Variants in BLTP3A observed in about 807,000 individuals in gnomAD.
BLTP3A encodes ICBP90 binding protein 1.
At chr6:34,814,542 G>T in the BLTP3A span, among the ~76,000 whole-genome samples, 4 of 152,186 alleles carry the variant, frequency 2.6e-5, no homozygotes, top group African/African-American at 9.7e-5. Flanking sequence ...TGCACCATCA[G>T]CAGTCCTTCG....
chr6:34,853,541 C>G, the BLTP3A span, among the ~76,000 whole-genome samples: 1 of 151,872 alleles, frequency 6.6e-6, no homozygotes, highest in Non-Finnish European at 1.5e-5. Flanking sequence ...TTTGCTCTAC[C>G]TCCTCCTCTA....
At chr6:34,862,765 T>G in the BLTP3A span, among the ~76,000 whole-genome samples, 1 of 146,158 alleles carries the variant, frequency 6.8e-6, no homozygotes, top group Non-Finnish European at 1.5e-5. Context: ...ACCCAGGAGG[T>G]GGAGGTTGCA....
chr6:34,829,051 A>G, the BLTP3A span, among the ~76,000 whole-genome samples: 2 of 132,826 alleles, frequency 1.5e-5, no homozygotes, highest in East Asian at 8.5e-4. Context: ...AAAAAAAAAA[A>G]AAGAAGAAAA....
At chr6:34,836,625 G>C in the BLTP3A span, among the ~76,000 whole-genome samples, 40 of 152,318 alleles carry the variant, frequency 2.6e-4, 1 homozygote, top group African/African-American at 8.7e-4. Context: ...AGAGTCTTCA[G>C]TGGTAGAGTT....
chr6:34,816,168 AC>A, the BLTP3A span, among the ~76,000 whole-genome samples: 1 of 152,164 alleles, frequency 6.6e-6, no homozygotes, highest in Non-Finnish European at 1.5e-5. Context: ...CTTAGCACTT[AC>A]TTAGTATAAT....
At chr6:34,821,788 G>A in the BLTP3A span, 1 of 1,614,104 alleles carries the variant, frequency 6.2e-7, no homozygotes, top group Non-Finnish European at 8.5e-7. Context: ...CCATCACTCG[G>A]GTCTACTGCA....
chr6:34,844,533 C>G, the BLTP3A span, among the ~76,000 whole-genome samples: 2 of 152,290 alleles, frequency 1.3e-5, no homozygotes, highest in Admixed American at 1.3e-4. Context: ...CCTCAGCTTC[C>G]TAAAGTGCTA....
At chr6:34,838,437 G>A in the BLTP3A span, among the ~76,000 whole-genome samples, 1 of 152,140 alleles carries the variant, frequency 6.6e-6, no homozygotes, top group Non-Finnish European at 1.5e-5. Flanking sequence ...TTTCAAGCTT[G>A]GCACATTAAG....
the BLTP3A span, among the ~76,000 whole-genome samples, chr6:34,807,963 C>A: frequency 6.6e-6 from 1 of 151,834 alleles, no homozygotes; most frequent in Non-Finnish European, 1.5e-5. Flanking sequence ...ATCGCTTGAA[C>A]CGGGAGGCAG....
At chr6:34,871,797 A>C in the BLTP3A span, 4 of 1,613,302 alleles carry the variant, frequency 2.5e-6, no homozygotes, top group Non-Finnish European at 2.5e-6. Flanking sequence ...TGTCACTTAG[A>C]ACCTTTACTT....
the BLTP3A span, chr6:34,874,125 TG>T: frequency 6.6e-6 from 1 of 152,238 alleles, no homozygotes; most frequent in African/African-American, 2.4e-5. Context: ...GCTTGATGCT[TG>T]GTTCAACCTT....
chr6:34,802,459 TC>T, the BLTP3A span, among the ~76,000 whole-genome samples: 1 of 150,642 alleles, frequency 6.6e-6, no homozygotes, highest in Non-Finnish European at 1.5e-5. Context: ...AACCTCTGCC[TC>T]CCGGGTTCAA....
the BLTP3A span, among the ~76,000 whole-genome samples, chr6:34,822,751 G>A: frequency 5.9e-5 from 9 of 151,870 alleles, no homozygotes; most frequent in African/African-American, 2.2e-4. Context: ...CAGCTACTCG[G>A]GAGGCTGGGG....
chr6:34,818,907 A>T, the BLTP3A span, among the ~76,000 whole-genome samples: 1 of 152,230 alleles, frequency 6.6e-6, no homozygotes, highest in Non-Finnish European at 1.5e-5. Context: ...TTTATGGTCC[A>T]AGGAAAAGCA....
the BLTP3A span, among the ~76,000 whole-genome samples, chr6:34,848,605 C>CAAA: frequency 4.0e-5 from 5 of 125,470 alleles, no homozygotes; most frequent in South Asian, 1.0e-3. Flanking sequence ...GACTTGGTCT[C>CAAA]AAAAAAAAAA....
chr6:34,820,860 C>T, the BLTP3A span, among the ~76,000 whole-genome samples: 6 of 136,776 alleles, frequency 4.4e-5, no homozygotes, highest in African/African-American at 1.8e-4. Context: ...CTGTGTTGCC[C>T]AGGCTTGTCT....
the BLTP3A span, among the ~76,000 whole-genome samples, chr6:34,823,943 C>G: frequency 6.6e-6 from 1 of 151,150 alleles, no homozygotes; most frequent in Non-Finnish European, 1.5e-5. Context: ...ATTCCGCTTG[C>G]AGATACTTTT....
chr6:34,809,388 G>A, the BLTP3A span, among the ~76,000 whole-genome samples: 1 of 152,098 alleles, frequency 6.6e-6, no homozygotes, highest in Non-Finnish European at 1.5e-5. Context: ...GCAAGACTCT[G>A]TCTCAAAAAC....
At chr6:34,851,476 C>T in the BLTP3A span, among the ~76,000 whole-genome samples, 269 of 152,292 alleles carry the variant, frequency 1.8e-3, 1 homozygote, top group African/African-American at 6.1e-3. Context: ...TACTCTCCCC[C>T]ATATAGCAGT....
Sources: allele counts gnomAD v4.1 joint callset (sites outside exome capture counted in the v4.1 genomes callset), GRCh38; gene constraint gnomAD v4.1.1; transcripts MANE v1.5; gene names NCBI Gene and HGNC (gene_info 2026-07-23, HGNC 2026-07-21).